Variants in ZNF91 observed in about 807,000 individuals in gnomAD.
ZNF91 encodes zinc finger protein 91 (HPF7, HTF10).
ZNF91 carries 7 observed loss-of-function variants against 12.6 expected under a neutral mutation model. The observed-to-expected ratio is 0.55, with a 90% CI of 0.31 to 1.04. The LOEUF is 1.04. ZNF91 is among the 50% of genes least tolerant of loss of function. The pLI is 0.05. For synonymous variants in ZNF91, 453 were observed against 462.6 expected, an observed-to-expected ratio of 0.98 and a Z score of 0.27; for missense variants, 1,217 against 1,385.4, an observed-to-expected ratio of 0.88 and a Z score of 1.93.
chr19:23,360,025 T>C lies in ZNF91; in HGVS notation c.2954A>G (p.Lys985Arg). ...GGGTTTCTCTCCAGTATGAATTATC[T>C]TATGTTCAGTAAGAGTTGAAGATTT... ...FRKSSTLTEH[K>R]IIHTGEKPYK... The change falls in exon 4 of 4, where the codon AAG becomes AGG. Residue 985 changes from lysine (K) to arginine (R), a missense_variant. Transcript: ENST00000300619. 4 of 1,613,498 alleles carry C rather than the reference T, an allele frequency of 2.5e-6. No homozygotes were observed. The highest frequency in any genetic ancestry group is 3.4e-6 in the Non-Finnish European group (4 of 1,180,012).
At chr19:23,325,213 A>C (rs1967813518) in intron 1 of ZNF91, 1 of 151,968 alleles carries the variant, frequency 6.6e-6, no homozygotes, top group Admixed American at 6.6e-5. Flanking sequence ...TGCGTGCAGT[A>C]AGCAGACAGT....
At chr19:23,367,099 C>T (rs1307764770) in intron 3 of ZNF91, among the ~76,000 whole-genome samples, 2 of 152,184 alleles carry the variant, frequency 1.3e-5, no homozygotes, top group Non-Finnish European at 2.9e-5. Context: ...TTCAGGCCAG[C>T]CTGGGCAACA....
chr19:23,371,076 G>A (rs1426571145), intron 3 of ZNF91, among the ~76,000 whole-genome samples: 1 of 151,982 alleles, frequency 6.6e-6, no homozygotes, highest in Non-Finnish European at 1.5e-5. Context: ...CAAGGTGGCT[G>A]ACACCTGTAA....
chr19:23,389,401 G>GC (rs1969987593), intron 1 of ZNF91, among the ~76,000 whole-genome samples: 5 of 110,034 alleles, frequency 4.5e-5, no homozygotes, highest in East Asian at 2.5e-4. Flanking sequence ...TAAGTTTTTG[G>GC]CAAAAAAAAA....
At chr19:23,392,578 G>T (rs78061481) in intron 1 of ZNF91, among the ~76,000 whole-genome samples, 15,725 of 151,928 alleles carry the variant, frequency 0.1, 1,241 homozygotes, top group East Asian at 0.37. Context: ...AAAATCATGA[G>T]GGCAGGAATT....
chr19:23,381,973 A>T (rs1969733379), intron 1 of ZNF91, among the ~76,000 whole-genome samples: 1 of 152,000 alleles, frequency 6.6e-6, no homozygotes, highest in Non-Finnish European at 1.5e-5. Context: ...AAAGACTAAA[A>T]ATTGTAAGAA....
chr19:23,362,032 T>G lies in ZNF91; in HGVS notation c.947A>C (p.His316Pro). ...SSTLAKHKRI[H>P]TGEKPYKCEE... is the part of the protein sequence containing the mutation. ...ACATTTGTAGGGTTTCTCTCCAGTA[T>G]GAATTCTCTTATGTTTAGCAAGGGT... Residue 316 changes from histidine (H) to proline (P), a missense_variant, in exon 4 of 4, where the codon CAT (histidine) becomes CCT (proline). Coordinates refer to ENST00000300619, the MANE Select transcript of ZNF91 (RefSeq NM_003430.4). 2 of 1,614,028 alleles carry G rather than the reference T, an allele frequency of 1.2e-6. No homozygotes were observed. Among genetic ancestry groups the G allele is most frequent in the Non-Finnish European group, 1.7e-6 (2 of 1,179,964 alleles).
At chr19:23,307,900 T>C (rs1195319306) in intron 2 of ZNF91, 1 of 152,260 alleles carries the variant, frequency 6.6e-6, no homozygotes, top group Non-Finnish European at 1.5e-5. Context: ...TATTGTCTCA[T>C]GCCTCAGCTC....
At chr19:23,395,281 G>A in intron 1 of ZNF91, 44 bp downstream of exon 1, 1 of 1,607,388 alleles carries the variant, frequency 6.2e-7, no homozygotes, top group African/African-American at 1.3e-5. Context: ...CGGTTTCAAC[G>A]AGCCCCGTTC....
chr19:23,362,096 T>G lies in ZNF91; in HGVS notation c.883A>C (p.Lys295Gln). The change falls in exon 4 of 4, where the codon AAA (lysine) becomes CAA (glutamine). Residue 295 changes from lysine to glutamine, a missense_variant. Physicochemically the swap from Lys to Gln is moderately conservative, Grantham distance 53 (BLOSUM62 1). Coordinates refer to ENST00000300619, the MANE Select transcript of ZNF91 (RefSeq NM_003430.4). ...KRIHTGEKPY[K>Q]CEECGKAFSH... ...AAAGCTTTGCCACATTCTTCACATT[T>G]GTAGGGTTTCTCTCCAGTGTGTATC... 1 of 1,614,040 alleles carries G rather than the reference T, an allele frequency of 6.2e-7. No homozygotes were observed. Among genetic ancestry groups the G allele is most frequent in the Non-Finnish European group, 8.5e-7 (1 of 1,179,992 alleles).
At chr19:23,319,983 G>C (rs932222214) in intron 1 of ZNF91, among the ~76,000 whole-genome samples, 1 of 152,154 alleles carries the variant, frequency 6.6e-6, no homozygotes, top group African/African-American at 2.4e-5. Context: ...GTTGTATAAA[G>C]CCCACAAGTG....
At chr19:23,319,182 G>A (rs1944005437) in intron 1 of ZNF91, among the ~76,000 whole-genome samples, 1 of 152,210 alleles carries the variant, frequency 6.6e-6, no homozygotes, top group Non-Finnish European at 1.5e-5. Context: ...CTTGGGCTCT[G>A]ACCAAGGAGG....
In ZNF91 at chr19:23,306,203, T is replaced by C. The variant is rs1361348985; in HGVS notation, n.278-1072A>G. On this transcript the variant is annotated intron_variant and non_coding_transcript_variant, in intron 3 of 3. Coordinates refer to the ZNF91 transcript ENST00000593292. ...CATGGATCAAGTCAATTGTTGAGAC[T>C]ACGACTCATCTATTTGGATCCAACA... Among the ~76,000 whole-genome samples the C allele has an allele frequency of 2.6e-5, 4 of 152,248 alleles. No individual in the cohort carries two copies. In the East Asian group the frequency reaches 5.8e-4, roughly 22 times the overall value.
chr19:23,338,289 A>G (rs1968053162), downstream of ZNF91: 1 of 152,284 alleles, frequency 6.6e-6, no homozygotes, highest in East Asian at 1.9e-4. Flanking sequence ...TAATTTATAA[A>G]GAAAACCACA....
intron 3 of ZNF91, among the ~76,000 whole-genome samples, chr19:23,347,119 C>CT (rs551413918): frequency 2.6e-5 from 4 of 152,062 alleles, no homozygotes; most frequent in African/African-American, 7.3e-5. Flanking sequence ...TGTCACCCCC[C>CT]CTACACACTG....
rs145600872 is a variant in ZNF91, at chr19:23,330,715, C to T, written n.117-21618G>A. Among the ~76,000 whole-genome samples, 82 of 152,266 alleles carry T rather than the reference C, an allele frequency of 5.4e-4. 1 individual carries two copies. Among genetic ancestry groups the T allele is most frequent in the African/African-American group, 1.9e-3 (81 of 41,546 alleles). On this transcript the variant is annotated intron_variant and non_coding_transcript_variant, in intron 1 of 1. Transcript: ENST00000596528. ...AAGGAATAATACTTTAAAAAGCCCT[C>T]CCTACTCCTCACTTTAAAAAATTGA...
At chr19:23,312,507 G>T (rs533297445), upstream of ZNF91, among the ~76,000 whole-genome samples, 180 of 152,282 alleles carry the variant, frequency 1.2e-3, no homozygotes, top group African/African-American at 3.8e-3. Context: ...GTGAGGTTTT[G>T]TTTCTCATCA....
In ZNF91 at chr19:23,360,064, C is replaced by A; in HGVS notation, c.2915G>T (p.Gly972Val). Residue 972 changes from glycine to valine, a missense_variant, in exon 4 of 4, where the codon GGC becomes GTC. Physicochemically the swap from Gly to Val is moderately radical, Grantham distance 109. Transcript: ENST00000300619. ...AGTTGAAGATTTCCTAAAAGCTTTGCCACATTCTTCACATTTGTAGGGTTT... is the reference window on the plus strand; with the variant it reads ...AGTTGAAGATTTCCTAAAAGCTTTGACACATTCTTCACATTTGTAGGGTTT... ...GEKPYKCEEC[G>V]KAFRKSSTLT... is the part of the protein sequence containing the mutation. The A allele has an allele frequency of 6.2e-7, 1 of 1,613,004 alleles. No individual in the cohort carries two copies.
chr19:23,373,109 C>T (rs1183170688), intron 3 of ZNF91, among the ~76,000 whole-genome samples: 1 of 152,112 alleles, frequency 6.6e-6, no homozygotes, highest in Non-Finnish European at 1.5e-5. Context: ...TTCTATCACT[C>T]TGAGGACCCA....
Sources: allele counts gnomAD v4.1 joint callset (sites outside exome capture counted in the v4.1 genomes callset), GRCh38; gene constraint gnomAD v4.1.1; transcripts MANE v1.5; gene names NCBI Gene and HGNC (gene_info 2026-07-23, HGNC 2026-07-21).